Variants in TMEM132B observed in about 807,000 individuals in gnomAD.
TMEM132B encodes the protein transmembrane protein 132B.
TMEM132B carries 18 observed loss-of-function variants against 90.8 expected under a neutral mutation model. The ratio of observed to expected loss-of-function variants is 0.20; its 90% CI spans 0.14 to 0.29. TMEM132B has a LOEUF of 0.29. TMEM132B is among the 10% of genes least tolerant of loss of function. The probability of loss-of-function intolerance (pLI) is 1.00; values close to 1 mark genes in which losing one functional copy is unlikely to be tolerated. For missense variants in TMEM132B, 1,096 were observed against 1,326.8 expected, an observed-to-expected ratio of 0.83 and a Z score of 2.70; for synonymous variants, 504 against 523.3, an observed-to-expected ratio of 0.96 and a Z score of 0.50.
Position 125,654,572 on chromosome 12 carries a change from C to T in TMEM132B, c.3114C>T (p.Leu1038=). The T allele has an allele frequency of 6.2e-7, 1 of 1,614,172 alleles. No homozygotes were observed. Among genetic ancestry groups the T allele is most frequent in the Non-Finnish European group, 8.5e-7 (1 of 1,180,044 alleles). ...RVKFTSYTTI[L]PEDGGPYTNS... ...AGTTCACTTCCTACACCACCATCCT[C>T]CCAGAGGACGGCGGCCCATACACCA... The change falls in exon 9 of 9, where the codon CTC becomes CTT. Residue 1038 remains leucine (L), a synonymous_variant. Transcript: ENST00000682704. The surrounding 1 kb of genome is among the most constrained non-coding windows in gnomAD (Gnocchi z 5.8).
intron 1 of TMEM132B, among the ~76,000 whole-genome samples, chr12:125,239,497 T>C (rs1409553070): frequency 1.3e-5 from 2 of 152,216 alleles, no homozygotes; most frequent in African/African-American, 4.8e-5. Context: ...CGTCTCTTTC[T>C]TTTCATCTCT....
At chr12:125,497,423 G>A (rs891044139) in intron 3 of TMEM132B, among the ~76,000 whole-genome samples, 1 of 152,160 alleles carries the variant, frequency 6.6e-6, no homozygotes, top group Admixed American at 6.5e-5. Context: ...AAGGTATGGG[G>A]GCTTTCCTGT....
At chr12:125,500,847 C>T (rs914014897) in intron 3 of TMEM132B, among the ~76,000 whole-genome samples, 1 of 152,114 alleles carries the variant, frequency 6.6e-6, no homozygotes. Context: ...TGGTGGGTCT[C>T]TGATCTCCCT....
At chr12:125,563,435 T>C (rs1321615867) in intron 4 of TMEM132B, among the ~76,000 whole-genome samples, 2 of 151,988 alleles carry the variant, frequency 1.3e-5, no homozygotes, top group Non-Finnish European at 2.9e-5. Context: ...GGTGAAACCC[T>C]GTCTCTACTA....
chr12:125,200,006 G>A (rs1187357071), intron 1 of TMEM132B, among the ~76,000 whole-genome samples: 1 of 152,168 alleles, frequency 6.6e-6, no homozygotes, highest in Non-Finnish European at 1.5e-5. Flanking sequence ...ATGGAAGAAG[G>A]AAAGAATGGA....
chr12:125,655,954 T>TC lies in TMEM132B; in HGVS notation c.*1250dup, dbSNP rs1566104832. ...CATTTGTGGAGAGAAGCAGTGGGTT[T>TC]CCCCCCAAAATCCATACAAATAAAT... On this transcript the variant is annotated 3_prime_UTR_variant, in exon 9 of 9. Transcript: ENST00000682704. 1.3e-5 allele frequency: 2 copies of TC among 150,774 alleles called. No individual in the cohort carries two copies. Among genetic ancestry groups the TC allele is most frequent in the Non-Finnish European group, 2.9e-5 (2 of 67,826 alleles). 9.3% of individuals were successfully genotyped at this position (150,774 alleles called of 1,614,324 possible). A position where few individuals can be genotyped will look rare whatever the true frequency, so the allele number is the denominator to read the frequency against.
At chr12:125,607,723 A>G (rs1378518781) in intron 5 of TMEM132B, among the ~76,000 whole-genome samples, 1 of 152,156 alleles carries the variant, frequency 6.6e-6, no homozygotes, top group Non-Finnish European at 1.5e-5. Context: ...CATCACCCCC[A>G]TATTAAATCC....
chr12:125,250,236 C>G (rs1336383527), intron 1 of TMEM132B, among the ~76,000 whole-genome samples: 1 of 152,254 alleles, frequency 6.6e-6, no homozygotes, highest in Admixed American at 6.5e-5. Context: ...GTGCTGCAGA[C>G]AAGGTCCCTG....
chr12:125,453,076 A>AAC (rs60350192), intron 3 of TMEM132B, among the ~76,000 whole-genome samples: 20,623 of 143,504 alleles, frequency 0.14, 1,757 homozygotes, highest in Non-Finnish European at 0.2. Context: ...ATTTCAGTAA[A>AAC]ACACACACAC....
intron 1 of TMEM132B, among the ~76,000 whole-genome samples, chr12:125,221,778 G>A (rs552401846): frequency 6.6e-6 from 1 of 152,338 alleles, no homozygotes; most frequent in East Asian, 1.9e-4. Context: ...TGGAATTCAG[G>A]GAAGGCTTCC....
chr12:125,462,577 C>T (rs898886620), intron 3 of TMEM132B, among the ~76,000 whole-genome samples: 3 of 152,044 alleles, frequency 2.0e-5, no homozygotes, highest in Non-Finnish European at 2.9e-5. Context: ...GAATAGGTGA[C>T]GTCAAATTGA....
intron 3 of TMEM132B, among the ~76,000 whole-genome samples, chr12:125,485,464 T>C (rs763574356): frequency 1.3e-5 from 2 of 152,166 alleles, no homozygotes; most frequent in African/African-American, 4.8e-5. Flanking sequence ...CACACTGTCA[T>C]GTAATTAGAT....
chr12:125,316,859 G>A (rs1230792848), intron 1 of TMEM132B, among the ~76,000 whole-genome samples: 1 of 152,222 alleles, frequency 6.6e-6, no homozygotes, highest in East Asian at 1.9e-4. Flanking sequence ...TCAAATGGGA[G>A]CCATGGGAGG....
intron 2 of TMEM132B, among the ~76,000 whole-genome samples, chr12:125,412,790 T>A (rs1879889855): frequency 6.6e-6 from 1 of 152,020 alleles, no homozygotes; most frequent in Non-Finnish European, 1.5e-5. Flanking sequence ...GGCAACAAGA[T>A]GGGATGGCTG....
chr12:125,477,978 T>C (rs376460948), intron 3 of TMEM132B, among the ~76,000 whole-genome samples: 64 of 152,340 alleles, frequency 4.2e-4, no homozygotes, highest in African/African-American at 1.4e-3. Context: ...AAACAGGGTC[T>C]GAAGTGGACC....
intron 2 of TMEM132B, among the ~76,000 whole-genome samples, chr12:125,405,107 G>A (rs1228054761): frequency 6.6e-6 from 1 of 152,162 alleles, no homozygotes; most frequent in Non-Finnish European, 1.5e-5. Context: ...GGCCACAAAC[G>A]CGATAGTGTA....
intron 3 of TMEM132B, among the ~76,000 whole-genome samples, chr12:125,417,468 T>C (rs949851758): frequency 3.9e-5 from 6 of 152,118 alleles, no homozygotes; most frequent in African/African-American, 1.4e-4. Flanking sequence ...CTCACAGTGT[T>C]TGCCACACTC....
chr12:125,611,949 A>G (rs2044175201), intron 5 of TMEM132B, among the ~76,000 whole-genome samples: 1 of 152,078 alleles, frequency 6.6e-6, no homozygotes, highest in Admixed American at 6.6e-5. Context: ...TGAGTCTTCT[A>G]TTTCCATGTT....
intron 5 of TMEM132B, among the ~76,000 whole-genome samples, chr12:125,615,441 A>G (rs542309776): frequency 6.6e-6 from 1 of 152,214 alleles, no homozygotes; most frequent in African/African-American, 2.4e-5. Context: ...TGCATAATCT[A>G]TATCAGTCTA....
Sources: gnomAD v4.1 joint callset for allele counts (sites outside exome capture counted in the v4.1 genomes callset) on GRCh38, gnomAD v4.1.1 for gene constraint, Gnocchi (gnomAD v3.1) non-coding constraint, MANE v1.5 for transcripts, NCBI Gene and HGNC (gene_info 2026-07-23, HGNC 2026-07-21) for gene names.